The following METTL15 variants were observed in gnomAD, a reference collection of about 807,000 sequenced individuals.
METTL15 encodes the protein 12S rRNA N(4)-cytidine methyltransferase METTL15.
A neutral mutation model predicts 38.3 loss-of-function variants in METTL15; 34 were observed. That is an observed-to-expected ratio of 0.89 (90% CI 0.68 to 1.18). METTL15 has a LOEUF of 1.18. Ranked by LOEUF, METTL15 falls within the 50% of genes most tolerant of loss-of-function variation. METTL15 has a pLI of 0.00. For missense variants in METTL15, 438 were observed against 498.4 expected (o/e 0.88, Z 1.15); for synonymous variants, 162 against 170.9 (o/e 0.95, Z 0.41).
At chr11:28,503,720 G>A (rs576044298) in intron 6 of METTL15, among the ~76,000 whole-genome samples, 7 of 152,024 alleles carry the variant, frequency 4.6e-5, no homozygotes, top group Non-Finnish European at 8.8e-5. Context: ...GAACCAGGGA[G>A]GCGGAGGATG....
intron 3 of METTL15, among the ~76,000 whole-genome samples, chr11:28,344,435 A>G (rs1169019166): frequency 6.6e-6 from 1 of 152,116 alleles, no homozygotes; most frequent in Non-Finnish European, 1.5e-5. Context: ...CATGCACACT[A>G]ATTTTGTTTA....
intron 5 of METTL15, among the ~76,000 whole-genome samples, chr11:28,292,879 A>G (rs1856575943): frequency 6.6e-6 from 1 of 152,088 alleles, no homozygotes; most frequent in African/African-American, 2.4e-5. Flanking sequence ...GTCTGTTCGT[A>G]TCCTTTGCCC....
At chr11:28,143,838 A>G (rs945080310) in intron 3 of METTL15, among the ~76,000 whole-genome samples, 2 of 152,210 alleles carry the variant, frequency 1.3e-5, no homozygotes, top group Admixed American at 1.3e-4. Flanking sequence ...GACTCGGTTT[A>G]GGAAGATGAG....
At chr11:28,477,965 T>C (rs1461053660) in intron 6 of METTL15, among the ~76,000 whole-genome samples, 1 of 152,210 alleles carries the variant, frequency 6.6e-6, no homozygotes, top group East Asian at 1.9e-4. Flanking sequence ...GGTTCTTACA[T>C]GTTGGTGGTC....
At chr11:28,299,227 T>C (rs1856836104) in intron 6 of METTL15, among the ~76,000 whole-genome samples, 1 of 152,140 alleles carries the variant, frequency 6.6e-6, no homozygotes, top group African/African-American at 2.4e-5. Context: ...ATATGTCCTA[T>C]AAGTTCTGGT....
intron 5 of METTL15, among the ~76,000 whole-genome samples, chr11:28,388,926 G>A (rs1488169622): frequency 2.0e-5 from 3 of 151,932 alleles, no homozygotes; most frequent in African/African-American, 7.3e-5. Context: ...GTGAGAACAT[G>A]CAGTGTTCGG....
At chr11:28,137,926 A>G (rs1209303790) in intron 3 of METTL15, among the ~76,000 whole-genome samples, 1 of 152,156 alleles carries the variant, frequency 6.6e-6, no homozygotes, top group Non-Finnish European at 1.5e-5. Context: ...AGATCCAGTA[A>G]TTGTAAGATT....
chr11:28,367,919 T>TCC (rs1205213468), intron 5 of METTL15, among the ~76,000 whole-genome samples: 1 of 151,084 alleles, frequency 6.6e-6, no homozygotes, highest in Admixed American at 6.6e-5. Flanking sequence ...CTGGAACCCT[T>TCC]TTACAACTTA....
chr11:28,268,180 G>C (rs1278368956), intron 4 of METTL15, among the ~76,000 whole-genome samples: 8 of 115,668 alleles, frequency 6.9e-5, no homozygotes, highest in East Asian at 2.7e-4. Flanking sequence ...CTGGGCGACA[G>C]AGCGAGACTC....
chr11:28,199,709 A>G (rs887368737), intron 3 of METTL15, among the ~76,000 whole-genome samples: 1 of 150,980 alleles, frequency 6.6e-6, no homozygotes, highest in Admixed American at 6.6e-5. Flanking sequence ...TACATTATCC[A>G]TCTTGCAGGC....
chr11:28,450,976 G>A (rs1357066874), intron 6 of METTL15, among the ~76,000 whole-genome samples: 1 of 152,162 alleles, frequency 6.6e-6, no homozygotes, highest in Non-Finnish European at 1.5e-5. Context: ...AACAGGTTAA[G>A]CGACTTATCC....
intron 3 of METTL15, among the ~76,000 whole-genome samples, chr11:28,167,849 A>C (rs964569214): frequency 3.3e-5 from 5 of 151,782 alleles, no homozygotes; most frequent in Admixed American, 6.6e-5. Context: ...ATTTTCTTTT[A>C]TCCAACATAA....
At chr11:28,271,519 A>G (rs1296450506) in intron 4 of METTL15, among the ~76,000 whole-genome samples, 1 of 152,140 alleles carries the variant, frequency 6.6e-6, no homozygotes, top group East Asian at 1.9e-4. Flanking sequence ...TGGCCTAACG[A>G]TCCACACTGG....
At chr11:28,517,514 T>A (rs1590401602) in intron 6 of METTL15, among the ~76,000 whole-genome samples, 1 of 152,220 alleles carries the variant, frequency 6.6e-6, no homozygotes. Context: ...GATGACTCAC[T>A]GCTTCACTTC....
At chr11:28,383,255 A>G (rs1850407570) in intron 5 of METTL15, among the ~76,000 whole-genome samples, 1 of 152,130 alleles carries the variant, frequency 6.6e-6, no homozygotes, top group African/African-American at 2.4e-5. Flanking sequence ...GCTCAGAATA[A>G]TAGCCTTCAG....
chr11:28,254,220 C>T lies in METTL15; in HGVS notation c.408-35986C>T, dbSNP rs149486541. Among the ~76,000 whole-genome samples, 177 of 152,322 alleles carry T rather than the reference C, an allele frequency of 1.2e-3. 1 individual carries two copies. In the Middle Eastern group the frequency reaches 0.017, roughly 15 times the overall value. On this transcript the variant is annotated intron_variant, in intron 4 of 6. Coordinates refer to ENST00000407364, the MANE Select transcript of METTL15 (RefSeq NM_001113528.2). ...CATTGTAGTTTTGATTTGCACTTCT[C>T]TGATGATCACTGATGTTGAGCATCT...
intron 5 of METTL15, among the ~76,000 whole-genome samples, chr11:28,382,702 G>A (rs749630999): frequency 5.3e-5 from 8 of 151,982 alleles, no homozygotes; most frequent in Non-Finnish European, 1.0e-4. Flanking sequence ...AGGCATGGAG[G>A]TGCATGCCTG....
chr11:28,239,417 A>T (rs1465963666), intron 4 of METTL15, among the ~76,000 whole-genome samples: 1 of 152,220 alleles, frequency 6.6e-6, no homozygotes, highest in Non-Finnish European at 1.5e-5. Context: ...TTCAAGGTGT[A>T]TATGAAATTT....
At chr11:28,175,391 A>G (rs1851033060) in intron 3 of METTL15, among the ~76,000 whole-genome samples, 1 of 152,176 alleles carries the variant, frequency 6.6e-6, no homozygotes. Flanking sequence ...TATTGTGAAT[A>G]GTGCTGTAAT....
Sources: allele counts gnomAD v4.1 joint callset (sites outside exome capture counted in the v4.1 genomes callset), GRCh38; gene constraint gnomAD v4.1.1; transcripts MANE v1.5; gene names NCBI Gene and HGNC (gene_info 2026-07-23, HGNC 2026-07-21).